The following BACH1 variants were observed in gnomAD, a reference collection of about 807,000 sequenced individuals.
BACH1 encodes the protein BTB domain and CNC homolog 1, also known as transcription regulator protein BACH1.
BACH1 carries 35 observed loss-of-function variants against 52.9 expected under a neutral mutation model. The ratio of observed to expected loss-of-function variants is 0.66; its 90% CI spans 0.51 to 0.88. BACH1 has a LOEUF of 0.88. Among genes scored for constraint, BACH1 ranks in the 40% least tolerant of loss-of-function variants. BACH1 has a pLI of 0.00. For synonymous variants in BACH1, 321 were observed against 319.6 expected, an observed-to-expected ratio of 1.00 and a Z score of -0.05; for missense variants, 808 against 872.6, an observed-to-expected ratio of 0.93 and a Z score of 0.93.
At chr21:29,336,699 C>G (rs1275228226) in intron 4 of BACH1, among the ~76,000 whole-genome samples, 1 of 151,864 alleles carries the variant, frequency 6.6e-6, no homozygotes, top group Non-Finnish European at 1.5e-5. Flanking sequence ...GAGTCTCACT[C>G]TGTTGCCTAG....
At position 29,333,195 on chromosome 21, in the gene BACH1, G is replaced by T. The variant is rs181210025; in HGVS notation, c.1776+3502G>T. Among the ~76,000 whole-genome samples the T allele has an allele frequency of 3.6e-3, 544 of 152,342 alleles. 1 individual carries two copies. Among genetic ancestry groups the T allele is most frequent in the Non-Finnish European group, 6.2e-3 (423 of 68,012 alleles). On this transcript the variant is annotated intron_variant, in intron 4 of 4. Transcript: ENST00000286800. Reference sequence around the variant, plus strand: ...AAAGCTGGCCCGTCTAGAAGGAAAAGAATTTGACGTTTAAGATAGTTATTA... The same window carrying T: ...AAAGCTGGCCCGTCTAGAAGGAAAATAATTTGACGTTTAAGATAGTTATTA...
Position 29,327,079 on chromosome 21 carries a change from G to C in BACH1, c.1255G>C (p.Ala419Pro), listed in dbSNP as rs150888228. ...TCCTTGCCAAATGCAGTTATCACCT[G>C]CTGTGGCCAAAGATGGCTCAGAACA... ...DTPCQMQLSP[A>P]VAKDGSEQIS... The change falls in exon 3 of 5, where the codon GCT (alanine) becomes CCT (proline). Residue 419 changes from alanine to proline, a missense_variant. Ala to Pro is a conservative substitution (Grantham distance 27, BLOSUM62 -1). Coordinates refer to ENST00000286800, the MANE Select transcript of BACH1 (RefSeq NM_001186.4). 1.2e-6 allele frequency: 2 copies of C among 1,614,230 alleles called. No individual in the cohort carries two copies. Among genetic ancestry groups the C allele is most frequent in the East Asian group, 2.2e-5 (1 of 44,886 alleles).
chr21:29,336,695 C>G (rs1178173943), intron 4 of BACH1, among the ~76,000 whole-genome samples: 1 of 151,766 alleles, frequency 6.6e-6, no homozygotes, highest in African/African-American at 2.4e-5. Context: ...AACAGAGTCT[C>G]ACTCTGTTGC....
At chr21:29,317,323 G>A (rs1394614113) in intron 1 of BACH1, among the ~76,000 whole-genome samples, 1 of 152,220 alleles carries the variant, frequency 6.6e-6, no homozygotes, top group African/African-American at 2.4e-5. Flanking sequence ...TACTAATTCA[G>A]CAGCATGTAC....
At position 29,332,181 on chromosome 21, in the gene BACH1, G is replaced by A. The variant is rs549033540; in HGVS notation, c.1776+2488G>A. Among the ~76,000 whole-genome samples the A allele has an allele frequency of 3.2e-4, 49 of 152,228 alleles. No homozygotes were observed. The East Asian group carries it at 8.1e-3, about 25-fold the overall frequency. On this transcript the variant is annotated intron_variant, in intron 4 of 4. Coordinates refer to ENST00000286800, the MANE Select transcript of BACH1 (RefSeq NM_001186.4). ...GATCTCCTGACCTCGTGATCCGCCC[G>A]CCTCAGCCTTCCAAAGTGCTGGGAT...
At chr21:29,319,302 G>A (rs975623560) in intron 1 of BACH1, among the ~76,000 whole-genome samples, 1 of 152,068 alleles carries the variant, frequency 6.6e-6, no homozygotes, top group African/African-American at 2.4e-5. Flanking sequence ...TATGAGACAG[G>A]GTCTTAAGAG....
In BACH1 at chr21:29,326,622, A is replaced by T. The variant is rs2088914847; in HGVS notation, c.798A>T (p.Gly266=). Residue 266 remains glycine (G), a synonymous_variant, in exon 3 of 5, where the codon GGA becomes GGT. Transcript: ENST00000286800. ...NERSENECLG[G]VPECRDLQVM... is the part of the protein sequence containing the mutation. Reference sequence around the variant, plus strand: ...GGTCTGAAAATGAATGCCTGGGAGGAGTCCCGGAGTGTAGAGATTTGCAGG... The same window carrying T: ...GGTCTGAAAATGAATGCCTGGGAGGTGTCCCGGAGTGTAGAGATTTGCAGG... The T allele has an allele frequency of 6.2e-7, 1 of 1,614,228 alleles. No individual in the cohort carries two copies. Among genetic ancestry groups the T allele is most frequent in the African/African-American group, 1.3e-5 (1 of 75,050 alleles).
At chr21:29,332,584 C>A (rs997396813) in intron 4 of BACH1, among the ~76,000 whole-genome samples, 3 of 152,162 alleles carry the variant, frequency 2.0e-5, no homozygotes, top group Non-Finnish European at 2.9e-5. Context: ...TCATAAATAA[C>A]AGGGAACAGA....
chr21:29,307,533 A>G (rs183919367), intron 1 of BACH1, among the ~76,000 whole-genome samples: 1 of 152,338 alleles, frequency 6.6e-6, no homozygotes, highest in Non-Finnish European at 1.5e-5. Flanking sequence ...ATGAAGTCCA[A>G]AAATATTAAA....
chr21:29,304,345 G>A (rs552615368), intron 1 of BACH1, among the ~76,000 whole-genome samples: 192 of 152,096 alleles, frequency 1.3e-3, no homozygotes, highest in Non-Finnish European at 2.1e-3. Context: ...GGCTGGTCTC[G>A]AACTCCTGAC....
intron 1 of BACH1, among the ~76,000 whole-genome samples, chr21:29,319,360 T>C (rs2088823042): frequency 1.3e-5 from 2 of 152,034 alleles, no homozygotes; most frequent in South Asian, 4.1e-4. Flanking sequence ...ATTAAGAGAA[T>C]ACATTACAGA....
chr21:29,316,605 C>G (rs193277561), intron 1 of BACH1, among the ~76,000 whole-genome samples: 1 of 152,168 alleles, frequency 6.6e-6, no homozygotes, highest in East Asian at 1.9e-4. Context: ...AGGTGCCGTT[C>G]TTGTCTGATG....
At chr21:29,316,191 G>T (rs562915632) in intron 1 of BACH1, among the ~76,000 whole-genome samples, 41 of 151,934 alleles carry the variant, frequency 2.7e-4, no homozygotes, top group Admixed American at 2.4e-3. Flanking sequence ...GTTTTTAAGA[G>T]TTTTTTTTCC....
At chr21:29,316,482 C>T (rs1397921142) in intron 1 of BACH1, among the ~76,000 whole-genome samples, 2 of 152,164 alleles carry the variant, frequency 1.3e-5, no homozygotes, top group Admixed American at 6.5e-5. Context: ...GCAGGCGTAA[C>T]ACAGGAGTCC....
intron 4 of BACH1, among the ~76,000 whole-genome samples, chr21:29,334,545 A>C (rs899203924): frequency 6.6e-6 from 1 of 152,236 alleles, no homozygotes; most frequent in African/African-American, 2.4e-5. Context: ...AAATATACAT[A>C]TCTCTGATAA....
At chr21:29,347,139 T>A (rs1017237368), downstream of BACH1, among the ~76,000 whole-genome samples, 1 of 152,170 alleles carries the variant, frequency 6.6e-6, no homozygotes, top group African/African-American at 2.4e-5. Flanking sequence ...GCCAGAGTTT[T>A]GAACCATTTG....
At chr21:29,349,118 T>A (rs2089188285), downstream of BACH1, among the ~76,000 whole-genome samples, 2 of 151,802 alleles carry the variant, frequency 1.3e-5, no homozygotes, top group Admixed American at 6.6e-5. Context: ...AATCTATCTT[T>A]ACATAGATTT....
At chr21:29,342,350 AT>A (rs1282258016) in intron 4 of BACH1, 48 bp from the exon 5 acceptor site, 2 of 1,529,746 alleles carry the variant, frequency 1.3e-6, no homozygotes, top group African/African-American at 2.8e-5. Flanking sequence ...GGAAATGTTG[AT>A]TGAGCTAATA....
At chr21:29,301,091 T>G (rs2088598312) in intron 1 of BACH1, among the ~76,000 whole-genome samples, 1 of 152,204 alleles carries the variant, frequency 6.6e-6, no homozygotes, top group Admixed American at 6.5e-5. Flanking sequence ...AAAATGATGA[T>G]TCCTATTAAT....
Sources: gnomAD v4.1 joint callset for allele counts (sites outside exome capture counted in the v4.1 genomes callset) on GRCh38, gnomAD v4.1.1 for gene constraint, MANE v1.5 for transcripts, NCBI Gene and HGNC (gene_info 2026-07-23, HGNC 2026-07-21) for gene names.